GPS2: variants seen among roughly 807,000 people sequenced by gnomAD.
GPS2 encodes the protein GPS-2.
A neutral mutation model predicts 48.1 loss-of-function variants in GPS2; 22 were observed. The ratio of observed to expected loss-of-function variants is 0.46; its 90% CI spans 0.33 to 0.65. The LOEUF (loss-of-function observed/expected upper bound fraction) is 0.65, where lower values mean the gene tolerates loss of function less well. Among genes scored for constraint, GPS2 ranks in the 30% least tolerant of loss-of-function variants. The pLI is 0.03. For missense variants in GPS2, 366 were observed against 406.8 expected (o/e 0.90, Z 0.86); for synonymous variants, 202 against 142.5 (o/e 1.42, Z -2.98).
chr17:7,313,537 A>G, intron 7 of GPS2, 31 bp downstream of exon 7: 2 of 1,613,598 alleles, frequency 1.2e-6, no homozygotes, highest in South Asian at 2.2e-5. Context: ...GACCTTGAGG[A>G]AGGCCAAGCC....
intron 6 of GPS2, 65 bp from the exon 7 acceptor site, chr17:7,313,786 GT>G: frequency 6.3e-7 from 1 of 1,585,926 alleles, no homozygotes; most frequent in Non-Finnish European, 8.6e-7. Flanking sequence ...TGACTTGTGT[GT>G]ATCTGTATGC....
Position 7,313,092 on chromosome 17 carries a change from C to A in GPS2, c.837G>T (p.Leu279=). ...SSLRPMHPQA[L]HPAPGLLASP... ...AAGCAAGGAGTCCAGGGGCTGGATG[C>A]AGAGCCTGGGGGTGCATGGGGCGCA... Residue 279 remains leucine, a synonymous_variant, in exon 10 of 11, where the codon CTG becomes CTT. Transcript: ENST00000380728. 6.3e-7 allele frequency: 1 copy of A among 1,577,222 alleles called. No individual in the cohort carries two copies. The highest frequency in any genetic ancestry group is 8.6e-7 in the Non-Finnish European group (1 of 1,158,860).
Position 7,313,421 on chromosome 17 carries a change from T to C in GPS2, c.683A>G (p.Gln228Arg). Residue 228 changes from glutamine to arginine, a missense_variant, in exon 8 of 11, where the codon CAG (glutamine) becomes CGG (arginine). This residue lies in a region of GPS2 where 275 missense variants were observed against 282.3 expected (regional missense o/e 0.97). Transcript: ENST00000380728. ...AVQYLSQPQP[Q>R]PYAVHGHFQP... is the part of the protein sequence containing the mutation. ...AAAGTGGCCATGCACAGCATAGGGC[T>C]GTGGCTGTGGCTGAGATAGGTACTG... The C allele has an allele frequency of 6.2e-7, 1 of 1,614,076 alleles. No individual in the cohort carries two copies. Among genetic ancestry groups the C allele is most frequent in the Non-Finnish European group, 8.5e-7 (1 of 1,179,940 alleles).
Position 7,313,481 on chromosome 17 carries a change from A to G in GPS2, c.635-12T>C. 6.2e-7 allele frequency: 1 copy of G among 1,614,128 alleles called. No individual in the cohort carries two copies. ...GAATGCCGAAGGAGCTGAGAAAGGA[A>G]AAGACAGAGCCATTAAAATCTTTTA... On this transcript the variant is annotated splice_polypyrimidine_tract_variant and intron_variant, in intron 7 of 10. Transcript: ENST00000380728.
chr17:7,315,030 G>T lies in GPS2; in HGVS notation c.23C>A (p.Pro8His), dbSNP rs868127356. Residue 8 changes from proline to histidine, a missense_variant, in exon 2 of 11, where the codon CCC (proline) becomes CAC (histidine). Physicochemically the swap from Pro to His is moderately conservative, Grantham distance 77 (BLOSUM62 -2). This residue lies in a region of GPS2 where 88 missense variants were observed against 107.4 expected (regional missense o/e 0.82). Transcript: ENST00000380728. MPALLER[P>H]KLSNAMARAL... The stretch of plus-strand genomic sequence containing the variant: ...CCTGGCCATGGCGTTGGAAAGCTTG[G>T]GGCGCTCCAGGAGTGCGGGCATGGT... The T allele has an allele frequency of 6.2e-7, 1 of 1,603,148 alleles. No individual in the cohort carries two copies. Among genetic ancestry groups the T allele is most frequent in the East Asian group, 2.2e-5 (1 of 44,450 alleles).
chr17:7,315,150 G>C (rs2143010741), intron 1 of GPS2, 31 bp from the exon 2 acceptor site: 8 of 859,076 alleles, frequency 9.3e-6, no homozygotes, highest in Non-Finnish European at 1.2e-5. Flanking sequence ...AGAGGGGGCC[G>C]CGCCCGGCCC....
At chr17:7,313,002 A>C (rs745833183) in intron 10 of GPS2, 27 bp downstream of exon 10, 1 of 1,524,350 alleles carries the variant, frequency 6.6e-7, no homozygotes, top group Admixed American at 1.9e-5. Flanking sequence ...AGGGATTCTG[A>C]CAGGTAAATT....
chr17:7,312,897 A>G (rs2072879795), intron 10 of GPS2, 58 bp from the exon 11 acceptor site: 14 of 1,532,722 alleles, frequency 9.1e-6, no homozygotes, highest in Admixed American at 1.7e-5. Context: ...CTTCCACTTA[A>G]TACCCTACTG....
Position 7,314,310 on chromosome 17 carries a change from G to T in GPS2, c.298C>A (p.Arg100=). The T allele has an allele frequency of 6.2e-7, 1 of 1,614,104 alleles. No homozygotes were observed. The highest frequency in any genetic ancestry group is 8.5e-7 in the Non-Finnish European group (1 of 1,180,022). The change falls in exon 4 of 11, where the codon CGG becomes AGG. Residue 100 remains arginine, a synonymous_variant. Coordinates refer to ENST00000380728, the MANE Select transcript of GPS2 (RefSeq NM_004489.5). ...LKKVLHEEEK[R]RRKEQSDLTT... ...TCCCACCTCTGTTCCTTTCGCCTCC[G>T]TTTTTCTTCCTCATGTAAAACTTTC...
In GPS2 at chr17:7,313,696, G is replaced by C; in HGVS notation, c.506C>G (p.Ala169Gly). The change falls in exon 7 of 11, where the codon GCT becomes GGT. Residue 169 changes from alanine to glycine, a missense_variant. Transcript: ENST00000380728. ...LTTRHYVGSA[A>G]AFAGTPEHGQ... is the part of the protein sequence containing the mutation. The stretch of plus-strand genomic sequence containing the variant: ...ATGCTCTGGTGTCCCTGCAAAAGCA[G>C]CTGCTGAGCCCACGTAGTGCCGGGT... 6.2e-7 allele frequency: 1 copy of C among 1,614,190 alleles called. No individual in the cohort carries two copies. Among genetic ancestry groups the C allele is most frequent in the Non-Finnish European group, 8.5e-7 (1 of 1,180,026 alleles).
In GPS2 at chr17:7,315,078, TG is replaced by T; in HGVS notation, c.-27del. On this transcript the variant is annotated 5_prime_UTR_variant, in exon 2 of 11. Coordinates refer to ENST00000380728, the MANE Select transcript of GPS2 (RefSeq NM_004489.5). ...GGTGCTGCCGTGGGCGCTCGGGCCG[TG>T]GGCGCCCGGCTGTCTCTGACTGCCA... The T allele has an allele frequency of 6.5e-7, 1 of 1,545,898 alleles. No individual in the cohort carries two copies.
chr17:7,314,562 T>C lies in GPS2; in HGVS notation c.130A>G (p.Met44Val), dbSNP rs1336521226. The C allele has an allele frequency of 2.5e-6, 4 of 1,613,716 alleles. No individual in the cohort carries two copies. The Admixed American group carries it at 6.7e-5, about 27-fold the overall frequency. The change falls in exon 3 of 11, where the codon ATG (methionine) becomes GTG (valine). Residue 44 changes from methionine to valine, a missense_variant. This residue lies in a region of GPS2 where 88 missense variants were observed against 107.4 expected (regional missense o/e 0.82). Transcript: ENST00000380728. ...EEVDKMMEQKMKEEQERRKKK... is the reference protein window; with the variant it reads ...EEVDKMMEQKVKEEQERRKKK... The stretch of plus-strand genomic sequence containing the variant: ...TTCCTTCTCTCCTGTTCTTCCTTCA[T>C]CTTCTGTTCCATCATCTTATCCACC...
At chr17:7,313,839 T>C in intron 6 of GPS2, 67 bp downstream of exon 6, 2 of 1,569,488 alleles carry the variant, frequency 1.3e-6, no homozygotes, top group Non-Finnish European at 1.8e-6. Context: ...TGTTTGTGAC[T>C]TGAATACTGG....
At chr17:7,315,234 C>A in intron 1 of GPS2, 97 bp downstream of exon 1, 1 of 343,410 alleles carries the variant, frequency 2.9e-6, no homozygotes, top group Non-Finnish European at 5.2e-6. Context: ...CCGGCCGGGA[C>A]CGCAGCCCCA....
chr17:7,313,274 C>T lies in GPS2; in HGVS notation c.742G>A (p.Gly248Ser). 1.2e-6 allele frequency: 2 copies of T among 1,614,148 alleles called. No individual in the cohort carries two copies. The highest frequency in any genetic ancestry group is 1.7e-6 in the Non-Finnish European group (2 of 1,179,996). Residue 248 changes from glycine to serine, a missense_variant, in exon 9 of 11, where the codon GGT becomes AGT. Around this residue, in one of 3 missense-constraint regions of GPS2, gnomAD observed 275 missense variants for 282.3 expected, o/e 0.97. Coordinates refer to ENST00000380728, the MANE Select transcript of GPS2 (RefSeq NM_004489.5). The stretch of plus-strand genomic sequence containing the variant: ...ATCTGCTTTTGCAAGGACAGGGCAC[C>T]ACCAGGCTGGAGGAAACCTAGGTGG... ...PTQTGFLQPG[G>S]ALSLQKQMEH...
rs768613610 is a variant in GPS2, at chr17:7,313,488, G to C, written c.635-19C>G. 1 of 1,613,824 alleles carries C rather than the reference G, an allele frequency of 6.2e-7. No homozygotes were observed. Among genetic ancestry groups the C allele is most frequent in the Non-Finnish European group, 8.5e-7 (1 of 1,179,718 alleles). On this transcript the variant is annotated intron_variant, in intron 7 of 10. Coordinates refer to ENST00000380728, the MANE Select transcript of GPS2 (RefSeq NM_004489.5). Reference sequence around the variant, plus strand: ...GAAGGAGCTGAGAAAGGAAAAGACAGAGCCATTAAAATCTTTTACTGAATG... The same window carrying C: ...GAAGGAGCTGAGAAAGGAAAAGACACAGCCATTAAAATCTTTTACTGAATG...
intron 2 of GPS2, 97 bp downstream of exon 2, chr17:7,314,862 G>T: frequency 7.0e-7 from 1 of 1,421,990 alleles, no homozygotes; most frequent in Non-Finnish European, 9.7e-7. Flanking sequence ...CTCTGCGCTC[G>T]GCAGCGGGCG....
chr17:7,313,746 C>T, intron 6 of GPS2, 25 bp from the exon 7 acceptor site: 1 of 1,610,690 alleles, frequency 6.2e-7, no homozygotes, highest in Non-Finnish European at 8.5e-7. Context: ...TGAGAACTCG[C>T]CTACAAACTC....
intron 10 of GPS2, 87 bp downstream of exon 10, chr17:7,312,942 G>T (rs2072881335): frequency 1.4e-6 from 2 of 1,461,294 alleles, no homozygotes; most frequent in South Asian, 1.2e-5. Context: ...AAAACCAGAT[G>T]ATGTGGGCCA....
Sources: gnomAD v4.1 joint callset for allele counts on GRCh38, gnomAD v4.1.1 for gene constraint, gnomAD v4.1.1 regional missense constraint, MANE v1.5 for transcripts, NCBI Gene and HGNC (gene_info 2026-07-23, HGNC 2026-07-21) for gene names.